PPA2: variants seen among roughly 807,000 people sequenced by gnomAD.
PPA2 encodes the protein inorganic pyrophosphatase 2.
PPA2 carries 48 observed loss-of-function variants against 49.5 expected under a neutral mutation model. That is an observed-to-expected ratio of 0.97 (90% CI 0.77 to 1.23). The LOEUF (loss-of-function observed/expected upper bound fraction) is 1.23. Ranked by LOEUF, PPA2 falls within the 50% of genes most tolerant of loss-of-function variation. PPA2 has a pLI of 0.00. For synonymous variants in PPA2, 131 were observed against 139.9 expected, an observed-to-expected ratio of 0.94 and a Z score of 0.45; for missense variants, 429 against 410.1, an observed-to-expected ratio of 1.05 and a Z score of -0.40.
chr4:105,428,816 A>AT (rs1723653711), intron 6 of PPA2, among the ~76,000 whole-genome samples: 1 of 152,234 alleles, frequency 6.6e-6, no homozygotes, highest in Non-Finnish European at 1.5e-5. Context: ...CTTAAGTATA[A>AT]TAAAAAATAA....
chr4:105,382,182 C>A (rs1733516113), intron 10 of PPA2, among the ~76,000 whole-genome samples: 1 of 151,842 alleles, frequency 6.6e-6, no homozygotes, highest in Non-Finnish European at 1.5e-5. Flanking sequence ...TTTAAATTTT[C>A]AAACACATGA....
intron 1 of PPA2, among the ~76,000 whole-genome samples, chr4:105,459,546 A>G (rs753923163): frequency 6.6e-6 from 1 of 152,234 alleles, no homozygotes; most frequent in Non-Finnish European, 1.5e-5. Context: ...TTAGCATGTG[A>G]CCCAGAAATC....
chr4:105,433,597 T>A (rs1723916956), intron 6 of PPA2, among the ~76,000 whole-genome samples: 1 of 152,208 alleles, frequency 6.6e-6, no homozygotes, highest in Admixed American at 6.5e-5. Context: ...AAGCTACATC[T>A]GTGAAGGAAA....
chr4:105,452,679 A>T (rs1456439702), intron 3 of PPA2, among the ~76,000 whole-genome samples: 1 of 152,196 alleles, frequency 6.6e-6, no homozygotes, highest in East Asian at 1.9e-4. Flanking sequence ...GGGGTAGAGA[A>T]TAAATGGAAA....
intron 5 of PPA2, among the ~76,000 whole-genome samples, chr4:105,443,686 A>T (rs1404770913): frequency 6.6e-6 from 1 of 151,844 alleles, no homozygotes; most frequent in East Asian, 1.9e-4. Flanking sequence ...AGTCAGGTTT[A>T]AAAAAGTAGT....
Position 105,453,626 on chromosome 4 carries a change from A to G in PPA2, c.239T>C (p.Met80Thr). Residue 80 changes from methionine (M) to threonine (T), a missense_variant, in exon 3 of 12, where the codon ATG becomes ACG. By Grantham distance (81) the Met-to-Thr change is moderately conservative (BLOSUM62 -1). Transcript: ENST00000341695. Reference protein sequence around the residue: ...VNSKEENGIPMKKARNDEYEN... With the variant: ...VNSKEENGIPTKKARNDEYEN... ...ATATTCATCATTTCGTGCTTTCTTC[A>G]TAGGAATGCCATTTTCCTATAAAAG... 1 of 1,607,462 alleles carries G rather than the reference A, an allele frequency of 6.2e-7. No individual in the cohort carries two copies. The highest frequency in any genetic ancestry group is 8.5e-7 in the Non-Finnish European group (1 of 1,176,922).
In PPA2 at chr4:105,414,661, GCCATTAGGTCTGGGAT is replaced by G. The variant is rs1722922991; in HGVS notation, c.655+9519_655+9534del. Reference sequence around the variant, plus strand: ...GGGTGTCACAGCCCTGGCTCAGGGAGCCATTAGGTCTGGGATCCCTGAAGGGGCCCAGCTCTTCTCT... The same window carrying G: ...GGGTGTCACAGCCCTGGCTCAGGGAGCCCTGAAGGGGCCCAGCTCTTCTCT... On this transcript the variant is annotated intron_variant, in intron 7 of 11. Coordinates refer to ENST00000341695, the MANE Select transcript of PPA2 (RefSeq NM_176869.3). 7.2e-5 allele frequency among the ~76,000 whole-genome samples: 11 copies of G among 152,368 alleles called. No individual in the cohort carries two copies. In the South Asian group the frequency reaches 2.3e-3, roughly 32 times the overall value.
chr4:105,378,131 C>A (rs532647726), intron 10 of PPA2, among the ~76,000 whole-genome samples: 1 of 152,188 alleles, frequency 6.6e-6, no homozygotes, highest in South Asian at 2.1e-4. Context: ...AAAATGTTTT[C>A]CAGATGGTTG....
At chr4:105,425,013 T>C (rs1214594106) in intron 6 of PPA2, among the ~76,000 whole-genome samples, 3 of 152,178 alleles carry the variant, frequency 2.0e-5, no homozygotes, top group South Asian at 2.1e-4. Flanking sequence ...ATAATAGGCA[T>C]GCATTAATGG....
intron 9 of PPA2, among the ~76,000 whole-genome samples, chr4:105,392,289 G>A (rs949480413): frequency 1.2e-4 from 18 of 151,978 alleles, no homozygotes; most frequent in African/African-American, 3.6e-4. Context: ...AAAAAACTTC[G>A]GAGAAAGAGA....
intron 10 of PPA2, among the ~76,000 whole-genome samples, chr4:105,372,397 C>T (rs1264282248): frequency 2.0e-5 from 3 of 152,164 alleles, no homozygotes; most frequent in Non-Finnish European, 2.9e-5. Flanking sequence ...ACTGAATAGC[C>T]ACCACTCCAC....
At chr4:105,463,611 C>T (rs1723182346) in intron 1 of PPA2, among the ~76,000 whole-genome samples, 1 of 152,228 alleles carries the variant, frequency 6.6e-6, no homozygotes, top group Non-Finnish European at 1.5e-5. Context: ...CCCTTCCCAT[C>T]ACAGGCCCTG....
At position 105,384,487 on chromosome 4, in the gene PPA2, C is replaced by T. The variant is rs933791659; in HGVS notation, c.939+2080G>A. ...TCTAATATAGAAACTTTGAGCCTCT[C>T]GCTAATTTTAAGACAAGTATCTACT... On this transcript the variant is annotated intron_variant, in intron 10 of 11. Coordinates refer to ENST00000341695, the MANE Select transcript of PPA2 (RefSeq NM_176869.3). Among the ~76,000 whole-genome samples the T allele has an allele frequency of 2.8e-4, 43 of 152,204 alleles. 1 individual carries two copies. The highest frequency in any genetic ancestry group is 9.4e-4 in the African/African-American group (39 of 41,522).
chr4:105,399,246 C>G, intron 7 of PPA2, 82 bp from the exon 8 acceptor site: 1 of 1,359,816 alleles, frequency 7.4e-7, no homozygotes, highest in South Asian at 1.5e-5. Flanking sequence ...ACTGAGGGAG[C>G]CAGGAAACAT....
intron 10 of PPA2, among the ~76,000 whole-genome samples, chr4:105,383,923 C>G (rs1025963270): frequency 1.3e-5 from 2 of 150,348 alleles, no homozygotes; most frequent in Non-Finnish European, 3.0e-5. Context: ...CCTGATAGCA[C>G]TTTGAAGACT....
At chr4:105,410,583 G>C (rs56397029) in intron 7 of PPA2, among the ~76,000 whole-genome samples, 18,743 of 152,066 alleles carry the variant, frequency 0.12, 1,213 homozygotes, top group African/African-American at 0.15. Flanking sequence ...GATACTCCTT[G>C]AGAAGAGTAA....
chr4:105,397,443 C>G (rs1024385163), intron 8 of PPA2, among the ~76,000 whole-genome samples: 1 of 151,984 alleles, frequency 6.6e-6, no homozygotes, highest in Admixed American at 6.6e-5. Context: ...TATTTAGAAC[C>G]AATTTCAATA....
rs7679119 is a variant in PPA2 at position 105,386,550 on chromosome 4, G to A, written c.939+17C>T. On this transcript the variant is annotated intron_variant, in intron 10 of 11. Transcript: ENST00000341695. ...CATTTATAAGATTAAAGGATGTCTT[G>A]GATGTTTGCCCCTTACCGATTCAAC... The A allele has an allele frequency of 1.4e-3, 2,243 of 1,597,598 alleles. 42 individuals carry two copies. In the African/African-American group the frequency reaches 0.027, roughly 19 times the overall value.
At chr4:105,465,440 G>A (rs987314608) in intron 1 of PPA2, among the ~76,000 whole-genome samples, 6 of 152,010 alleles carry the variant, frequency 3.9e-5, no homozygotes, top group Admixed American at 1.3e-4. Context: ...GATGCTTTCC[G>A]GGCATCCTAA....
Sources: allele counts gnomAD v4.1 joint callset (sites outside exome capture counted in the v4.1 genomes callset), GRCh38; gene constraint gnomAD v4.1.1; transcripts MANE v1.5; gene names NCBI Gene and HGNC (gene_info 2026-07-23, HGNC 2026-07-21).